Variants in DOP1A observed in about 807,000 individuals in gnomAD.
DOP1A encodes protein DOP1A.
Under a neutral mutation model 267.6 loss-of-function variants are expected in DOP1A, and 90 were observed. The observed-to-expected ratio is 0.34, with a 90% confidence interval of 0.28 to 0.40. The LOEUF (loss-of-function observed/expected upper bound fraction) is 0.40. DOP1A is among the 10% of genes least tolerant of loss of function. DOP1A has a pLI of 1.00. For synonymous variants in DOP1A, 932 were observed against 999.1 expected (o/e 0.93, Z 1.27); for missense variants, 2,437 against 2,900.4 (o/e 0.84, Z 3.67).
intron 27 of DOP1A, among the ~76,000 whole-genome samples, chr6:83,150,279 A>G (rs1338996775): frequency 6.6e-6 from 1 of 152,158 alleles, no homozygotes; most frequent in African/African-American, 2.4e-5. Context: ...GAGTTGTCAT[A>G]AGGTTCAGAG....
At chr6:83,083,322 TAAGA>T (rs1170205293) in intron 1 of DOP1A, among the ~76,000 whole-genome samples, 1 of 151,654 alleles carries the variant, frequency 6.6e-6, no homozygotes, top group Non-Finnish European at 1.5e-5. Context: ...GTACAATTTC[TAAGA>T]AAGAAATCTA....
At chr6:83,120,649 A>G (rs1461808879) in intron 9 of DOP1A, 34 bp from the exon 10 acceptor site, 2 of 1,450,522 alleles carry the variant, frequency 1.4e-6, no homozygotes, top group Non-Finnish European at 1.9e-6. Flanking sequence ...GAATATGTTT[A>G]CTTAAATGAC....
intron 36 of DOP1A, among the ~76,000 whole-genome samples, chr6:83,159,269 ATAAGT>A (rs913162843): frequency 6.6e-6 from 1 of 152,124 alleles, no homozygotes; most frequent in African/African-American, 2.4e-5. Context: ...TGAACATAAT[ATAAGT>A]TATGTACTAC....
At chr6:83,110,542 G>T (rs929206882) in intron 6 of DOP1A, among the ~76,000 whole-genome samples, 3 of 152,108 alleles carry the variant, frequency 2.0e-5, no homozygotes, top group African/African-American at 7.2e-5. Flanking sequence ...TATAAGAAGT[G>T]AATTTTAGAT....
rs775116911 is a variant in DOP1A at position 83,145,704 on chromosome 6, A to C, written c.5676+46A>C. ...ACATGTGTTTACAATTCTGTTTCAGAAATTATGCTGGTAAGATTTTTTTTT... is the reference window on the plus strand; with the variant it reads ...ACATGTGTTTACAATTCTGTTTCAGCAATTATGCTGGTAAGATTTTTTTTT... On this transcript the variant is annotated intron_variant, in intron 25 of 38. Transcript: ENST00000349129. The C allele has an allele frequency of 2.5e-6, 4 of 1,589,602 alleles. No homozygotes were observed. In the South Asian group the frequency reaches 4.6e-5, roughly 18 times the overall value.
chr6:83,119,924 C>T (rs1002193403), intron 9 of DOP1A, 67 bp downstream of exon 9: 18 of 1,311,208 alleles, frequency 1.4e-5, no homozygotes, highest in African/African-American at 4.4e-5. Context: ...AAGTGTAAGA[C>T]GAGGTCTTGC....
chr6:83,095,069 A>G (rs1343584394), intron 1 of DOP1A, among the ~76,000 whole-genome samples: 1 of 152,154 alleles, frequency 6.6e-6, no homozygotes, highest in East Asian at 1.9e-4. Flanking sequence ...AGTAACTGAG[A>G]TTACAGGCAT....
intron 37 of DOP1A, chr6:83,161,234 T>C (rs753667012): frequency 6.6e-6 from 1 of 152,162 alleles, no homozygotes; most frequent in Non-Finnish European, 1.5e-5. Flanking sequence ...TTTGTCAAGA[T>C]GTTAGTTACT....
intron 24 of DOP1A, 147 bp downstream of exon 24, chr6:83,142,193 AATTTCTTTAAGT>A: frequency 9.6e-7 from 1 of 1,046,316 alleles, no homozygotes; most frequent in Non-Finnish European, 1.4e-6. Flanking sequence ...TTGTTGCCTT[AATTTCTTTAAGT>A]ATTGATTAAA....
chr6:83,160,930 T>A (rs1262357150), intron 37 of DOP1A, among the ~76,000 whole-genome samples: 3 of 152,128 alleles, frequency 2.0e-5, no homozygotes, highest in Non-Finnish European at 4.4e-5. Flanking sequence ...AAATTACTTT[T>A]AGAGTCATTC....
Position 83,148,775 on chromosome 6 carries a change from T to A in DOP1A, c.5749T>A (p.Leu1917Ile). ...ATCTTGCAGAATTCCAGTGCCCAAT[T>A]TAGTGGATAGCTGGGCGTCACTGTT... ...AYIQRIPVPN[L>I]VDSWASLLIL... The change falls in exon 27 of 39, where the codon TTA becomes ATA. Residue 1917 changes from leucine to isoleucine, a missense_variant. Leu to Ile is a conservative substitution (Grantham distance 5). Around this residue, in one of 9 missense-constraint regions of DOP1A, gnomAD observed 216 missense variants for 283.3 expected, o/e 0.76. Coordinates refer to ENST00000349129, the MANE Select transcript of DOP1A (RefSeq NM_015018.4). The A allele has an allele frequency of 1.3e-6, 2 of 1,554,596 alleles. No homozygotes were observed. Among genetic ancestry groups the A allele is most frequent in the Non-Finnish European group, 1.7e-6 (2 of 1,159,888 alleles).
chr6:83,136,176 C>T (rs545139964), intron 20 of DOP1A, among the ~76,000 whole-genome samples: 11 of 152,116 alleles, frequency 7.2e-5, no homozygotes. Context: ...GTTAGCAATT[C>T]TGGTCCTACA....
intron 21 of DOP1A, 47 bp downstream of exon 21, chr6:83,139,209 T>C (rs1250170205): frequency 7.2e-7 from 1 of 1,391,986 alleles, no homozygotes; most frequent in Admixed American, 1.8e-5. Context: ...TTTTCACATA[T>C]ATGACTGCTT....
intron 7 of DOP1A, among the ~76,000 whole-genome samples, chr6:83,117,652 TC>T (rs1282120963): frequency 6.6e-6 from 1 of 152,214 alleles, no homozygotes; most frequent in Non-Finnish European, 1.5e-5. Context: ...TATTGCATGA[TC>T]AGGGCATATG....
chr6:83,105,356 C>CTTTTTTTT (rs70987733), intron 4 of DOP1A, among the ~76,000 whole-genome samples: 9 of 65,940 alleles, frequency 1.4e-4, no homozygotes, highest in Middle Eastern at 0.016. Flanking sequence ...GGATGTCTTT[C>CTTTTTTTT]TTTTTTTTTT....
At chr6:83,114,565 T>C (rs117581769) in intron 7 of DOP1A, among the ~76,000 whole-genome samples, 58 of 152,336 alleles carry the variant, frequency 3.8e-4, no homozygotes, top group Non-Finnish European at 6.6e-4. Context: ...TTATTGACTT[T>C]CCTCTTGAAC....
intron 15 of DOP1A, among the ~76,000 whole-genome samples, chr6:83,126,535 A>T (rs1235822557): frequency 1.3e-5 from 2 of 152,154 alleles, no homozygotes; most frequent in Non-Finnish European, 2.9e-5. Context: ...GAAAGATATT[A>T]TACAAGTAAG....
intron 1 of DOP1A, among the ~76,000 whole-genome samples, chr6:83,072,373 T>G (rs1333934622): frequency 6.6e-6 from 1 of 152,176 alleles, no homozygotes; most frequent in Non-Finnish European, 1.5e-5. Context: ...CATTTGCTAC[T>G]CACCAAGAGG....
rs898591972 is a variant in DOP1A, at chr6:83,118,247, A to G, written c.781-641A>G. On this transcript the variant is annotated intron_variant, in intron 7 of 38. Coordinates refer to ENST00000349129, the MANE Select transcript of DOP1A (RefSeq NM_015018.4). The stretch of plus-strand genomic sequence containing the variant: ...GCTTTTCTTCTATTTTGATTTTTAT[A>G]AATTTACCTCTTTTAGCTAAAACCC... Among the ~76,000 whole-genome samples, 14 of 152,136 alleles carry G rather than the reference A, an allele frequency of 9.2e-5. No individual in the cohort carries two copies. In the South Asian group the frequency reaches 1.7e-3, roughly 18 times the overall value.
Sources: gnomAD v4.1 joint callset for allele counts (sites outside exome capture counted in the v4.1 genomes callset) on GRCh38, gnomAD v4.1.1 for gene constraint, gnomAD v4.1.1 regional missense constraint, MANE v1.5 for transcripts, NCBI Gene and HGNC (gene_info 2026-07-23, HGNC 2026-07-21) for gene names.